PRKCQ: variants seen among roughly 807,000 people sequenced by gnomAD.
The protein encoded by PRKCQ is protein kinase C theta.
Under a neutral mutation model 91.2 loss-of-function variants are expected in PRKCQ, and 41 were observed. That is an observed-to-expected ratio of 0.45 (90% CI 0.35 to 0.58). The LOEUF is 0.58. PRKCQ is among the 20% of genes least tolerant of loss of function. The probability of loss-of-function intolerance (pLI) is 0.00; values close to 1 mark genes in which losing one functional copy is unlikely to be tolerated. For synonymous variants in PRKCQ, 307 were observed against 316.9 expected, an observed-to-expected ratio of 0.97 and a Z score of 0.33; for missense variants, 673 against 896.5, an observed-to-expected ratio of 0.75 and a Z score of 3.18.
chr10:6,478,861 G>T, intron 12 of PRKCQ, 131 bp downstream of exon 12: 1 of 1,008,754 alleles, frequency 9.9e-7, no homozygotes, highest in Non-Finnish European at 1.5e-6. Context: ...TGTTTGGATG[G>T]ATGGCAGGTA....
At chr10:6,470,878 G>A (rs917519726) in intron 12 of PRKCQ, among the ~76,000 whole-genome samples, 5 of 151,768 alleles carry the variant, frequency 3.3e-5, no homozygotes, top group Admixed American at 3.3e-4. Context: ...TTGAACCCAG[G>A]AGGTGGAGGT....
intron 1 of PRKCQ, among the ~76,000 whole-genome samples, chr10:6,528,202 C>T (rs778888313): frequency 9.2e-5 from 14 of 151,988 alleles, no homozygotes; most frequent in Non-Finnish European, 1.9e-4. Context: ...GTGTTTTTCC[C>T]GGGTGTGTCC....
At chr10:6,398,936 A>G in the PRKCQ span, among the ~76,000 whole-genome samples, 1 of 152,038 alleles carries the variant, frequency 6.6e-6, no homozygotes, top group Non-Finnish European at 1.5e-5. Flanking sequence ...AAAAAATTTT[A>G]TAGAGTTTTC....
At chr10:6,468,581 C>T (rs768058216) in intron 12 of PRKCQ, among the ~76,000 whole-genome samples, 1 of 152,182 alleles carries the variant, frequency 6.6e-6, no homozygotes, top group Admixed American at 6.5e-5. Context: ...TGTAGACTCC[C>T]TCTCCAGAAA....
chr10:6,483,219 T>C (rs1320682779), intron 11 of PRKCQ, among the ~76,000 whole-genome samples: 1 of 152,166 alleles, frequency 6.6e-6, no homozygotes, highest in Non-Finnish European at 1.5e-5. Context: ...ATGTACACTC[T>C]CCAAGCAAAG....
intron 1 of PRKCQ, among the ~76,000 whole-genome samples, chr10:6,531,003 T>C (rs1727885126): frequency 6.6e-6 from 1 of 152,188 alleles, no homozygotes; most frequent in African/African-American, 2.4e-5. Flanking sequence ...AGTTGTTTTA[T>C]GATGTGAGAA....
At chr10:6,548,221 G>A (rs1326216753) in intron 1 of PRKCQ, among the ~76,000 whole-genome samples, 19 of 149,690 alleles carry the variant, frequency 1.3e-4, no homozygotes, top group Admixed American at 2.7e-4. Context: ...ATCATTAAAA[G>A]GTCAGGAAAC....
rs761179420 is a variant in PRKCQ at position 6,465,572 on chromosome 10, G to A, written c.1354-1168C>T. The stretch of plus-strand genomic sequence containing the variant: ...TAATCCATAAAGTGTGAGGACCTTC[G>A]GTGCGTCTGGGCATGAATTTGCATC... On this transcript the variant is annotated intron_variant, in intron 12 of 17. Transcript: ENST00000263125. This position sits in a 1 kb window ranked among gnomAD's most constrained non-coding sequence, Gnocchi z 4.4. 1.3e-5 allele frequency among the ~76,000 whole-genome samples: 2 copies of A among 152,182 alleles called. No homozygotes were observed. Among genetic ancestry groups the A allele is most frequent in the Non-Finnish European group, 2.9e-5 (2 of 68,042 alleles).
At chr10:6,418,596 C>A in the PRKCQ span, among the ~76,000 whole-genome samples, 1 of 152,202 alleles carries the variant, frequency 6.6e-6, no homozygotes, top group African/African-American at 2.4e-5. Context: ...TGCTCCTTTC[C>A]ACCCAAACTC....
At position 6,465,625 on chromosome 10, in the gene PRKCQ, A is replaced by G. The variant is rs1311504029; in HGVS notation, c.1354-1221T>C. Among the ~76,000 whole-genome samples, 1 of 152,234 alleles carries G rather than the reference A, an allele frequency of 6.6e-6. No homozygotes were observed. The highest frequency in any genetic ancestry group is 1.5e-5 in the Non-Finnish European group (1 of 68,038). ...AAAGTCTCACCTGGGTGGTTTCTTA[A>G]CAGAATTAACCTTTACGTTTTGATG... On this transcript the variant is annotated intron_variant, in intron 12 of 17. Transcript: ENST00000263125. This position sits in a 1 kb window ranked among gnomAD's most constrained non-coding sequence, Gnocchi z 4.4.
At chr10:6,504,384 A>T (rs1838076391) in intron 4 of PRKCQ, among the ~76,000 whole-genome samples, 1 of 152,150 alleles carries the variant, frequency 6.6e-6, no homozygotes. Flanking sequence ...CTGACTCTTC[A>T]TTCTGGTTTC....
intron 4 of PRKCQ, among the ~76,000 whole-genome samples, chr10:6,499,307 G>A (rs1837780577): frequency 6.6e-6 from 1 of 152,120 alleles, no homozygotes; most frequent in Admixed American, 6.5e-5. Context: ...CATAAATATT[G>A]GTGAAAGTGC....
At chr10:6,409,072 A>G in the PRKCQ span, among the ~76,000 whole-genome samples, 1 of 152,146 alleles carries the variant, frequency 6.6e-6, no homozygotes, top group Non-Finnish European at 1.5e-5. Context: ...ATGGATATAT[A>G]CTGGTTTTTC....
chr10:6,437,801 G>A (rs1171402931), intron 16 of PRKCQ, among the ~76,000 whole-genome samples: 3 of 151,950 alleles, frequency 2.0e-5, no homozygotes, highest in Admixed American at 1.3e-4. Flanking sequence ...ACAGGCGCCC[G>A]CCACAACACC....
At chr10:6,495,313 G>T (rs1837529197) in intron 7 of PRKCQ, among the ~76,000 whole-genome samples, 2 of 152,188 alleles carry the variant, frequency 1.3e-5, no homozygotes, top group Non-Finnish European at 2.9e-5. Context: ...GCCTTCCCCA[G>T]TGTGGGCTTC....
intron 1 of PRKCQ, among the ~76,000 whole-genome samples, chr10:6,539,817 T>C (rs1839713332): frequency 6.6e-6 from 1 of 152,198 alleles, no homozygotes; most frequent in Non-Finnish European, 1.5e-5. Context: ...TTCTTGAGTA[T>C]ACTGTGAACA....
intron 12 of PRKCQ, among the ~76,000 whole-genome samples, chr10:6,478,486 G>A (rs542825120): frequency 1.3e-5 from 2 of 152,310 alleles, no homozygotes; most frequent in South Asian, 2.1e-4. Context: ...CATAAGGAAA[G>A]GGTCCCAACA....
chr10:6,518,454 G>C (rs1465770148), intron 1 of PRKCQ, among the ~76,000 whole-genome samples: 1 of 152,048 alleles, frequency 6.6e-6, no homozygotes. Context: ...AATTAATAAT[G>C]CATTTTATTT....
chr10:6,473,349 T>C (rs1359602802), intron 12 of PRKCQ, among the ~76,000 whole-genome samples: 2 of 152,242 alleles, frequency 1.3e-5, no homozygotes, highest in Admixed American at 6.5e-5. Context: ...CTCTTTAAAT[T>C]AGATTCTGGC....
Sources: allele counts gnomAD v4.1 joint callset (sites outside exome capture counted in the v4.1 genomes callset), GRCh38; gene constraint gnomAD v4.1.1; non-coding constraint Gnocchi (gnomAD v3.1); transcripts MANE v1.5; gene names NCBI Gene and HGNC (gene_info 2026-07-23, HGNC 2026-07-21).